Variants in SCHIP1 observed in about 807,000 individuals in gnomAD.
SCHIP1 encodes the protein schwannomin interacting protein 1, also known as schwannomin-interacting protein 1.
SCHIP1 carries 8 observed loss-of-function variants against 29.7 expected under a neutral mutation model. The ratio of observed to expected loss-of-function variants is 0.27; its 90% CI spans 0.16 to 0.49. The LOEUF is 0.49. SCHIP1 is among the 20% of genes least tolerant of loss of function. The pLI is 0.99. For missense variants in SCHIP1, 193 were observed against 294.6 expected (o/e 0.66, Z 2.52); for synonymous variants, 76 against 94.9 (o/e 0.80, Z 1.16).
chr3:159,640,016 A>G, the SCHIP1 span, among the ~76,000 whole-genome samples: 6 of 152,152 alleles, frequency 3.9e-5, no homozygotes, highest in African/African-American at 1.2e-4. Flanking sequence ...TTTTTTTCCC[A>G]TTTAGTACAA....
At chr3:159,777,458 A>C in the SCHIP1 span, among the ~76,000 whole-genome samples, 30 of 152,316 alleles carry the variant, frequency 2.0e-4, no homozygotes, top group East Asian at 5.6e-3. Flanking sequence ...CCAAAGGAAA[A>C]AAACAAGACC....
At chr3:159,458,650 G>A in the SCHIP1 span, among the ~76,000 whole-genome samples, 1 of 151,616 alleles carries the variant, frequency 6.6e-6, no homozygotes, top group Non-Finnish European at 1.5e-5. Flanking sequence ...CTGGATTGAA[G>A]CCAAACTTAC....
chr3:159,735,384 C>G, the SCHIP1 span, among the ~76,000 whole-genome samples: 1 of 152,056 alleles, frequency 6.6e-6, no homozygotes, highest in Non-Finnish European at 1.5e-5. Flanking sequence ...CACCCGTCAT[C>G]ATGCCTGGCT....
At chr3:159,446,538 GTTGCATTACAGCAATACAA>G in the SCHIP1 span, among the ~76,000 whole-genome samples, 9 of 152,136 alleles carry the variant, frequency 5.9e-5, 1 homozygote, top group Admixed American at 2.0e-4. Context: ...ATACAATATT[GTTGCATTACAGCAATACAA>G]TATTGTTGCA....
chr3:159,751,152 T>C, the SCHIP1 span, among the ~76,000 whole-genome samples: 2 of 152,242 alleles, frequency 1.3e-5, no homozygotes, highest in African/African-American at 4.8e-5. Context: ...ACGTATGCAT[T>C]GTTGTGCATT....
At chr3:159,505,922 C>G in the SCHIP1 span, among the ~76,000 whole-genome samples, 1 of 152,160 alleles carries the variant, frequency 6.6e-6, no homozygotes, top group Non-Finnish European at 1.5e-5. Context: ...AATAGTGCCG[C>G]AATAAACATA....
At chr3:159,877,351 A>C (rs966886675) in intron 2 of SCHIP1, among the ~76,000 whole-genome samples, 1 of 152,210 alleles carries the variant, frequency 6.6e-6, no homozygotes, top group Non-Finnish European at 1.5e-5. Flanking sequence ...ACTCTGTTTC[A>C]AAGAATAAAA....
chr3:159,550,985 G>A, the SCHIP1 span, among the ~76,000 whole-genome samples: 1 of 151,880 alleles, frequency 6.6e-6, no homozygotes, highest in Non-Finnish European at 1.5e-5. Flanking sequence ...TTTTTATTAT[G>A]TTATTTAAAA....
At chr3:159,525,385 C>A in the SCHIP1 span, among the ~76,000 whole-genome samples, 3 of 152,154 alleles carry the variant, frequency 2.0e-5, no homozygotes, top group Admixed American at 2.0e-4. Flanking sequence ...TAAATATTTG[C>A]TGAATGAATG....
chr3:159,866,455 TTTG>T (rs201902125), intron 2 of SCHIP1, among the ~76,000 whole-genome samples, 174 bp downstream of exon 3: 8 of 152,148 alleles, frequency 5.3e-5, no homozygotes, highest in Non-Finnish European at 1.2e-4. Flanking sequence ...TGTCGGTTTC[TTTG>T]TTGTTGTTGT....
the SCHIP1 span, among the ~76,000 whole-genome samples, chr3:159,457,487 T>G: frequency 6.6e-6 from 1 of 151,960 alleles, no homozygotes; most frequent in Non-Finnish European, 1.5e-5. Flanking sequence ...TGAGCAGGTA[T>G]GAGTTGGATT....
upstream of SCHIP1, among the ~76,000 whole-genome samples, chr3:159,834,879 T>G (rs1467236898): frequency 6.6e-6 from 1 of 152,160 alleles, no homozygotes; most frequent in East Asian, 1.9e-4. Flanking sequence ...CCTAAGATAT[T>G]TCATTATGCA....
At chr3:159,684,916 C>G in the SCHIP1 span, among the ~76,000 whole-genome samples, 1 of 151,920 alleles carries the variant, frequency 6.6e-6, no homozygotes, top group Non-Finnish European at 1.5e-5. Flanking sequence ...AAATGTTCCT[C>G]GAAATGCAGC....
the SCHIP1 span, among the ~76,000 whole-genome samples, chr3:159,823,436 G>A: frequency 2.6e-5 from 4 of 152,086 alleles, no homozygotes; most frequent in Non-Finnish European, 5.9e-5. Flanking sequence ...ACTCATCAAC[G>A]ACCTCAGTTA....
At chr3:159,870,620 G>A (rs1577465773) in intron 2 of SCHIP1, among the ~76,000 whole-genome samples, 3 of 151,708 alleles carry the variant, frequency 2.0e-5, no homozygotes, top group African/African-American at 7.2e-5. Flanking sequence ...AGATACTGTT[G>A]GAGTATTATA....
chr3:159,295,236 T>C, the SCHIP1 span, among the ~76,000 whole-genome samples: 2 of 121,182 alleles, frequency 1.7e-5, no homozygotes, highest in South Asian at 2.5e-4. Flanking sequence ...GCCAATATGG[T>C]GAAATTCTAT....
the SCHIP1 span, among the ~76,000 whole-genome samples, chr3:159,380,282 C>T: frequency 3.9e-5 from 6 of 152,196 alleles, no homozygotes; most frequent in Admixed American, 2.0e-4. Flanking sequence ...TCTCCCTCTT[C>T]TAGCTCTTGC....
the SCHIP1 span, among the ~76,000 whole-genome samples, chr3:159,770,139 G>C: frequency 6.6e-6 from 1 of 152,182 alleles, no homozygotes; most frequent in Non-Finnish European, 1.5e-5. Flanking sequence ...TGGTTCGTTT[G>C]AACTCTTGCT....
chr3:159,776,464 G>A, the SCHIP1 span, among the ~76,000 whole-genome samples: 2,010 of 151,710 alleles, frequency 0.013, 12 homozygotes, highest in Non-Finnish European at 0.021. Context: ...AAATTGGTTC[G>A]GCAAGGAGTA....
Sources: allele counts gnomAD v4.1 joint callset (sites outside exome capture counted in the v4.1 genomes callset), GRCh38; gene constraint gnomAD v4.1.1; transcripts MANE v1.5; gene names NCBI Gene and HGNC (gene_info 2026-07-23, HGNC 2026-07-21).